The following PCDHA3 variants were observed in gnomAD, a reference collection of about 807,000 sequenced individuals.
PCDHA3 encodes the protein protocadherin alpha 3, also known as protocadherin alpha-3.
In PCDHA3, 41 loss-of-function variants were observed where a neutral mutation model predicts 62.2. The ratio of observed to expected loss-of-function variants is 0.66; its 90% CI spans 0.51 to 0.86. PCDHA3 has a LOEUF of 0.86. Ranked by LOEUF, PCDHA3 falls within the 40% of genes least tolerant of loss-of-function variation. The probability of loss-of-function intolerance (pLI) is 0.00; values close to 1 mark genes in which losing one functional copy is unlikely to be tolerated. For missense variants in PCDHA3, 1,304 were observed against 1,241.2 expected, an observed-to-expected ratio of 1.05 and a Z score of -0.76; for synonymous variants, 640 against 555.4, an observed-to-expected ratio of 1.15 and a Z score of -2.14.
intron 1 of PCDHA3, chr5:140,812,368 CT>C (rs1173374807): frequency 6.6e-6 from 1 of 151,724 alleles, no homozygotes; most frequent in Non-Finnish European, 1.5e-5. Flanking sequence ...GACTTCCAGT[CT>C]TTTTGTTTTT....
At chr5:140,991,535 A>G (rs1323346658) in intron 3 of PCDHA3, among the ~76,000 whole-genome samples, 4 of 152,244 alleles carry the variant, frequency 2.6e-5, no homozygotes, top group South Asian at 4.1e-4. Context: ...TTGCCACTAT[A>G]TAACAAGGAT....
intron 2 of PCDHA3, 29 bp downstream of exon 2, chr5:140,979,036 A>G: frequency 6.2e-7 from 1 of 1,613,064 alleles, no homozygotes. Context: ...ATTCACTCAG[A>G]AGTAACCTTA....
rs2150165075 is a variant in PCDHA3 at position 140,829,273 on chromosome 5, T to C, written c.2394+25682T>C. ...ACTGCTCGCTGACGCCTCACGTCCC[T>C]TTCAAGCTGGTGTCCACCTTCAAGA... On this transcript the variant is annotated intron_variant, in intron 1 of 3. Coordinates refer to ENST00000522353, the MANE Select transcript of PCDHA3 (RefSeq NM_018906.3). 11 of 1,614,216 alleles carry C rather than the reference T, an allele frequency of 6.8e-6. No homozygotes were observed. The South Asian group carries it at 9.9e-5, about 15-fold the overall frequency.
chr5:140,834,789 A>G lies in PCDHA3; in HGVS notation c.2394+31198A>G, dbSNP rs1164245907. 4 of 1,613,586 alleles carry G rather than the reference A, an allele frequency of 2.5e-6. No homozygotes were observed. The African/African-American group carries it at 5.3e-5, about 22-fold the overall frequency. Reference sequence around the variant, plus strand: ...CGACAACCCTCCGGTGTTCCCAGCGACACAAAGGAATCTGTTCATCGCGGA... The same window carrying G: ...CGACAACCCTCCGGTGTTCCCAGCGGCACAAAGGAATCTGTTCATCGCGGA... On this transcript the variant is annotated intron_variant, in intron 1 of 3. Coordinates refer to ENST00000522353, the MANE Select transcript of PCDHA3 (RefSeq NM_018906.3).
chr5:140,956,979 A>C (rs2153711830), intron 1 of PCDHA3, among the ~76,000 whole-genome samples: 1 of 152,346 alleles, frequency 6.6e-6, no homozygotes, highest in South Asian at 2.1e-4. Context: ...AATTTAAGTA[A>C]AATAAATTCA....
intron 1 of PCDHA3, among the ~76,000 whole-genome samples, chr5:140,949,542 T>G (rs1418281515): frequency 6.6e-6 from 1 of 151,916 alleles, no homozygotes; most frequent in East Asian, 1.9e-4. Context: ...AATATCGATT[T>G]GTTGCTGGTC....
chr5:140,825,805 C>T (rs2150141367), intron 1 of PCDHA3: 2 of 152,324 alleles, frequency 1.3e-5, no homozygotes, highest in East Asian at 3.9e-4. Flanking sequence ...AATTTTACTG[C>T]TTGTTGTTAC....
chr5:140,849,848 C>A (rs2150453425), intron 1 of PCDHA3: 1 of 1,598,546 alleles, frequency 6.3e-7, no homozygotes, highest in African/African-American at 1.3e-5. Context: ...TGAACGACAA[C>A]GCACCAGCGT....
At chr5:140,830,476 T>C in intron 1 of PCDHA3, 1 of 1,551,430 alleles carries the variant, frequency 6.4e-7, no homozygotes, top group Non-Finnish European at 8.7e-7. Flanking sequence ...ATGAAGATCA[T>C]GATGCCAAAG....
At chr5:140,881,388 G>A (rs2058697659) in intron 1 of PCDHA3, 1 of 983,292 alleles carries the variant, frequency 1.0e-6, no homozygotes, top group Non-Finnish European at 1.2e-6. Context: ...GCGGCGGTAA[G>A]TTAAATTCTA....
At position 140,870,679 on chromosome 5, in the gene PCDHA3, G is replaced by C. The variant is rs202117527; in HGVS notation, c.2394+67088G>C. ...CGCGCTGCAGCCGTTGGACCACGAG[G>C]AGCTGGAGCTGCTACAGTTCCAGGT... On this transcript the variant is annotated intron_variant, in intron 1 of 3. Coordinates refer to ENST00000522353, the MANE Select transcript of PCDHA3 (RefSeq NM_018906.3). 1.0e-4 allele frequency: 164 copies of C among 1,612,742 alleles called. No individual in the cohort carries two copies. The African/African-American group carries it at 1.9e-3, about 19-fold the overall frequency.
At chr5:140,847,596 A>G (rs1159769892) in intron 1 of PCDHA3, 1 of 149,708 alleles carries the variant, frequency 6.7e-6, no homozygotes, top group Non-Finnish European at 1.5e-5. Context: ...TGAAATTAAA[A>G]CATATTGTAA....
At chr5:140,888,796 T>C (rs1158691492) in intron 1 of PCDHA3, among the ~76,000 whole-genome samples, 1 of 152,008 alleles carries the variant, frequency 6.6e-6, no homozygotes, top group East Asian at 1.9e-4. Context: ...TCTGGGGAGG[T>C]TGATCAGTGA....
Position 140,974,189 on chromosome 5 carries a change from G to T in PCDHA3, c.2395-4760G>T, listed in dbSNP as rs146863475. On this transcript the variant is annotated intron_variant, in intron 1 of 3. Transcript: ENST00000522353. ...AGAATTTTAACTTGACAAATGCAAA[G>T]GAATATCCAACATTGCAAAGGTAAA... Among the ~76,000 whole-genome samples the T allele has an allele frequency of 7.6e-3, 1,163 of 152,258 alleles. 4 individuals carry two copies. The highest frequency in any genetic ancestry group is 0.014 in the Middle Eastern group (4 of 294).
At chr5:140,807,268 G>T (rs557517265) in intron 1 of PCDHA3, 1 of 1,614,224 alleles carries the variant, frequency 6.2e-7, no homozygotes, top group Non-Finnish European at 8.5e-7. Flanking sequence ...GGGAGGCAGG[G>T]AACGGTCAGC....
intron 1 of PCDHA3, chr5:140,808,723 G>A (rs1764247036): frequency 2.5e-6 from 4 of 1,612,108 alleles, no homozygotes; most frequent in South Asian, 2.2e-5. Flanking sequence ...CGGTGCATGC[G>A]GAGAGCGGCA....
At chr5:140,962,565 C>G (rs2095693012) in intron 1 of PCDHA3, among the ~76,000 whole-genome samples, 1 of 152,130 alleles carries the variant, frequency 6.6e-6, no homozygotes, top group African/African-American at 2.4e-5. Flanking sequence ...CCCCTAAAAG[C>G]CAATTGTTAA....
At chr5:140,843,702 A>G (rs375271706) in intron 1 of PCDHA3, 3 of 1,580,560 alleles carry the variant, frequency 1.9e-6, no homozygotes, top group Admixed American at 3.4e-5. Context: ...TTAAATGTTG[A>G]TCATGGCCTC....
rs200390545 is a variant in PCDHA3 at position 140,821,737 on chromosome 5, G to A, written c.2394+18146G>A. ...TTGAATTTACAAAATACATTGTGTG[G>A]TGATGCAATAGAAAGCTCATAATTG... On this transcript the variant is annotated intron_variant, in intron 1 of 3. Transcript: ENST00000522353. 269 of 1,541,764 alleles carry A rather than the reference G, an allele frequency of 1.7e-4. 1 individual carries two copies. Among genetic ancestry groups the A allele is most frequent in the Middle Eastern group, 7.0e-4 (4 of 5,738 alleles).
Sources: gnomAD v4.1 joint callset for allele counts (sites outside exome capture counted in the v4.1 genomes callset) on GRCh38, gnomAD v4.1.1 for gene constraint, MANE v1.5 for transcripts, NCBI Gene and HGNC (gene_info 2026-07-23, HGNC 2026-07-21) for gene names.